Variants in TSHZ2 observed in about 807,000 individuals in gnomAD.
TSHZ2 encodes the protein teashirt zinc finger homeobox 2.
In TSHZ2, 21 loss-of-function variants were observed where a neutral mutation model predicts 74.4. The ratio of observed to expected loss-of-function variants is 0.28; its 90% CI spans 0.20 to 0.41. The LOEUF is 0.41. Among genes scored for constraint, TSHZ2 ranks in the 10% least tolerant of loss-of-function variants. The pLI is 1.00. For synonymous variants in TSHZ2, 540 were observed against 515.3 expected (o/e 1.05, Z -0.65); for missense variants, 1,244 against 1,293.5 (o/e 0.96, Z 0.59).
At chr20:53,121,130 C>T (rs547533302) in intron 1 of TSHZ2, among the ~76,000 whole-genome samples, 93 of 152,220 alleles carry the variant, frequency 6.1e-4, no homozygotes, top group Non-Finnish European at 1.0e-3. Flanking sequence ...ATTAAAAATG[C>T]TTCAGACAGA....
chr20:53,400,958 C>T (rs1300606272), intron 2 of TSHZ2, among the ~76,000 whole-genome samples: 1 of 152,212 alleles, frequency 6.6e-6, no homozygotes, highest in Non-Finnish European at 1.5e-5. Context: ...CTAACATGTC[C>T]TAAGCATTAT....
chr20:53,377,142 G>A (rs762289150), intron 2 of TSHZ2, among the ~76,000 whole-genome samples: 13 of 152,216 alleles, frequency 8.5e-5, no homozygotes, highest in Non-Finnish European at 1.2e-4. Flanking sequence ...AACAAGACTT[G>A]TGTAAGTCAA....
intron 1 of TSHZ2, among the ~76,000 whole-genome samples, chr20:53,036,719 T>C: frequency 6.8e-6 from 1 of 147,808 alleles, no homozygotes; most frequent in South Asian, 2.1e-4. Context: ...ATGTATATTA[T>C]ATATGTATTT....
chr20:53,202,179 C>T (rs959907760), intron 1 of TSHZ2, among the ~76,000 whole-genome samples: 1 of 152,196 alleles, frequency 6.6e-6, no homozygotes, highest in African/African-American at 2.4e-5. Context: ...TCCTTTTACC[C>T]ATGACCTTCC....
At chr20:53,067,336 A>G (rs1184886553) in intron 1 of TSHZ2, among the ~76,000 whole-genome samples, 2 of 152,222 alleles carry the variant, frequency 1.3e-5, no homozygotes, top group Admixed American at 1.3e-4. Context: ...GTAAAAAGCA[A>G]TTATAATTCA....
intron 2 of TSHZ2, among the ~76,000 whole-genome samples, chr20:53,315,431 G>A (rs977199861): frequency 6.6e-6 from 1 of 152,220 alleles, no homozygotes; most frequent in African/African-American, 2.4e-5. Flanking sequence ...GAATCAAAGT[G>A]AAATCTTGGG....
chr20:52,990,825 C>T (rs1981956622), intron 1 of TSHZ2, among the ~76,000 whole-genome samples: 1 of 152,062 alleles, frequency 6.6e-6, no homozygotes, highest in Non-Finnish European at 1.5e-5. Flanking sequence ...GTACAATATG[C>T]TTTTCCTAAC....
chr20:53,096,937 AAAC>A (rs1986071227), intron 1 of TSHZ2, among the ~76,000 whole-genome samples: 2 of 152,044 alleles, frequency 1.3e-5, no homozygotes. Context: ...CAAAAACAAA[AAAC>A]AAAAAACAAA....
chr20:53,490,714 A>C lies in TSHZ2; in HGVS notation c.*3579A>C, dbSNP rs1568940400. 6.6e-6 allele frequency: 1 copy of C among 152,266 alleles called. No individual in the cohort carries two copies. Among genetic ancestry groups the C allele is most frequent in the Admixed American group, 6.5e-5 (1 of 15,290 alleles). 9.4% of individuals were successfully genotyped at this position (152,266 alleles called of 1,614,324 possible). A position where few individuals can be genotyped will look rare whatever the true frequency, so the allele number is the denominator to read the frequency against. On this transcript the variant is annotated 3_prime_UTR_variant, in exon 3 of 3. Coordinates refer to ENST00000371497, the MANE Select transcript of TSHZ2 (RefSeq NM_173485.6). ...GCGCAAGCCGCTGAACTTAGTTGAG[A>C]TGCAGAAAACAAACAAATGCAATGA...
intron 1 of TSHZ2, among the ~76,000 whole-genome samples, chr20:53,213,267 A>G (rs1989354726): frequency 6.6e-6 from 1 of 152,206 alleles, no homozygotes; most frequent in Non-Finnish European, 1.5e-5. Flanking sequence ...TTTCTTGTTC[A>G]TGCCTTGAAA....
At chr20:53,321,716 G>A (rs1600809415) in intron 2 of TSHZ2, among the ~76,000 whole-genome samples, 1 of 129,642 alleles carries the variant, frequency 7.7e-6, no homozygotes, top group African/African-American at 2.9e-5. Flanking sequence ...ACATTCCTAA[G>A]CCAGCAGATG....
intron 1 of TSHZ2, among the ~76,000 whole-genome samples, chr20:53,025,054 G>C (rs6022222): frequency 6.6e-6 from 1 of 151,682 alleles, no homozygotes; most frequent in South Asian, 2.1e-4. Context: ...TACTGTACTA[G>C]CAAAAAATGT....
At chr20:53,358,303 G>GAA (rs58636181) in intron 2 of TSHZ2, among the ~76,000 whole-genome samples, 1,676 of 100,536 alleles carry the variant, frequency 0.017, 18 homozygotes, top group Non-Finnish European at 0.025. Context: ...AGACCAGGCA[G>GAA]AAAAAAAAAA....
At chr20:53,162,425 C>T (rs915540926) in intron 1 of TSHZ2, among the ~76,000 whole-genome samples, 3 of 152,196 alleles carry the variant, frequency 2.0e-5, no homozygotes, top group Non-Finnish European at 2.9e-5. Flanking sequence ...TGAGACGTTG[C>T]CCACTCGCTT....
chr20:53,303,068 A>T (rs59305980), intron 2 of TSHZ2, among the ~76,000 whole-genome samples: 7,875 of 152,280 alleles, frequency 0.052, 688 homozygotes, highest in African/African-American at 0.18. Flanking sequence ...TAATTTTCAG[A>T]TGTAGCGCTG....
chr20:53,204,317 G>GTTATACTATATCATCATATAACATT (rs1989101621), intron 1 of TSHZ2, among the ~76,000 whole-genome samples: 4 of 124,876 alleles, frequency 3.2e-5, no homozygotes, highest in African/African-American at 1.3e-4. Context: ...CATATAACAT[G>GTTATACTATATCATCATATAACATT]ATGATATGAT....
chr20:53,182,988 G>C (rs943947626), intron 1 of TSHZ2, among the ~76,000 whole-genome samples: 2 of 152,142 alleles, frequency 1.3e-5, no homozygotes, highest in South Asian at 4.1e-4. Flanking sequence ...AGGACAAGTG[G>C]CCTGTTCTCC....
chr20:53,105,335 G>T (rs530494840), intron 1 of TSHZ2, among the ~76,000 whole-genome samples: 2 of 152,302 alleles, frequency 1.3e-5, no homozygotes, highest in African/African-American at 4.8e-5. Context: ...TCTGAGAGGG[G>T]CTGTCCTGTG....
intron 2 of TSHZ2, among the ~76,000 whole-genome samples, chr20:53,279,871 A>G (rs1326623955): frequency 2.6e-5 from 4 of 152,192 alleles, no homozygotes; most frequent in Admixed American, 6.5e-5. Flanking sequence ...GGACTGAGGG[A>G]GCCACAAATG....
Sources: gnomAD v4.1 joint callset for allele counts (sites outside exome capture counted in the v4.1 genomes callset) on GRCh38, gnomAD v4.1.1 for gene constraint, MANE v1.5 for transcripts, NCBI Gene and HGNC (gene_info 2026-07-23, HGNC 2026-07-21) for gene names.